Variants in PLEK2 observed in about 807,000 individuals in gnomAD.
PLEK2 encodes the protein pleckstrin-2.
PLEK2 carries 29 observed loss-of-function variants against 43.8 expected under a neutral mutation model. That is an observed-to-expected ratio of 0.66 (90% confidence interval 0.49 to 0.90). PLEK2 has a LOEUF of 0.90. Ranked by LOEUF, PLEK2 falls within the 40% of genes least tolerant of loss-of-function variation. The pLI, the probability that PLEK2 is intolerant of heterozygous loss-of-function variation, is 0.00. For missense variants in PLEK2, 398 were observed against 448.1 expected (o/e 0.89, Z 1.01); for synonymous variants, 162 against 173.2 (o/e 0.94, Z 0.51).
chr14:67,394,763 AG>A (rs1376925375), intron 3 of PLEK2, among the ~76,000 whole-genome samples: 3 of 152,214 alleles, frequency 2.0e-5, no homozygotes, highest in Non-Finnish European at 4.4e-5. Flanking sequence ...TGCCTTTAAG[AG>A]GTGATTGGGT....
chr14:67,410,137 A>G (rs1198859287), intron 1 of PLEK2, among the ~76,000 whole-genome samples: 3 of 152,088 alleles, frequency 2.0e-5, no homozygotes, highest in Non-Finnish European at 2.9e-5. Context: ...GCCACCCAGA[A>G]GAGAAGTCCC....
chr14:67,399,350 A>G (rs979827938), intron 1 of PLEK2, among the ~76,000 whole-genome samples: 54 of 145,098 alleles, frequency 3.7e-4, no homozygotes, highest in Admixed American at 1.7e-3. Context: ...AGAGAAGGGT[A>G]GTTTAGGTGG....
chr14:67,398,188 A>C (rs1285989108), intron 1 of PLEK2: 1 of 167,532 alleles, frequency 6.0e-6, no homozygotes, highest in Non-Finnish European at 1.3e-5. Flanking sequence ...TAAAAAAATT[A>C]AGATTATTTT....
intron 7 of PLEK2, among the ~76,000 whole-genome samples, chr14:67,389,907 A>G (rs969815808): frequency 1.3e-5 from 2 of 152,116 alleles, no homozygotes; most frequent in African/African-American, 4.8e-5. Flanking sequence ...AGAGAGGTCA[A>G]CTGGAGCTTT....
chr14:67,393,474 G>A (rs1555349087), intron 3 of PLEK2, among the ~76,000 whole-genome samples: 1 of 152,084 alleles, frequency 6.6e-6, no homozygotes, highest in Non-Finnish European at 1.5e-5. Flanking sequence ...TGTTTTTTGA[G>A]ACAGAGTCTC....
At position 67,412,007 on chromosome 14, in the gene PLEK2, C is replaced by G. The variant is rs1446881503; in HGVS notation, c.42+11G>C. The G allele has an allele frequency of 1.3e-6, 2 of 1,546,906 alleles. No individual in the cohort carries two copies. Among genetic ancestry groups the G allele is most frequent in the South Asian group, 2.4e-5 (2 of 83,524 alleles). ...ACCCGGGCAATGTCCCGAAGCTCGACGCGCACTCACCCTCTTGACCAGGAA... is the reference window on the plus strand; with the variant it reads ...ACCCGGGCAATGTCCCGAAGCTCGAGGCGCACTCACCCTCTTGACCAGGAA... On this transcript the variant is annotated intron_variant, in intron 1 of 8. Coordinates refer to ENST00000216446, the MANE Select transcript of PLEK2 (RefSeq NM_016445.3).
chr14:67,394,185 G>C (rs1458712056), intron 3 of PLEK2, among the ~76,000 whole-genome samples: 1 of 152,120 alleles, frequency 6.6e-6, no homozygotes, highest in Non-Finnish European at 1.5e-5. Context: ...TTCTATGCCA[G>C]ACACACACTG....
chr14:67,395,636 C>T, intron 2 of PLEK2, 53 bp from the exon 3 acceptor site: 1 of 1,549,936 alleles, frequency 6.5e-7, no homozygotes, highest in Non-Finnish European at 8.8e-7. Flanking sequence ...CAAGAGGACG[C>T]CGGGCAGCAA....
intron 1 of PLEK2, among the ~76,000 whole-genome samples, chr14:67,403,058 T>C (rs2086059181): frequency 6.6e-6 from 1 of 152,202 alleles, no homozygotes; most frequent in South Asian, 2.1e-4. Flanking sequence ...AGGGTTCCCT[T>C]TTCTCCATAT....
At chr14:67,407,958 T>A (rs1335588047) in intron 1 of PLEK2, among the ~76,000 whole-genome samples, 2 of 152,074 alleles carry the variant, frequency 1.3e-5, no homozygotes, top group Non-Finnish European at 2.9e-5. Context: ...TGCTCCAGCC[T>A]GGGTAACATA....
At chr14:67,391,911 G>C (rs1386743863) in intron 6 of PLEK2, among the ~76,000 whole-genome samples, 8 of 152,172 alleles carry the variant, frequency 5.3e-5, no homozygotes, top group Admixed American at 5.2e-4. Flanking sequence ...CTCAGAAAGT[G>C]TATCAAGGAG....
chr14:67,393,214 G>A lies in PLEK2; in HGVS notation c.417C>T (p.Ser139=), dbSNP rs1283584832. The A allele has an allele frequency of 6.2e-7, 1 of 1,613,856 alleles. No homozygotes were observed. The highest frequency in any genetic ancestry group is 1.7e-5 in the Admixed American group (1 of 60,024). Residue 139 remains serine, a synonymous_variant, in exon 4 of 9, where the codon AGC becomes AGT. Coordinates refer to ENST00000216446, the MANE Select transcript of PLEK2 (RefSeq NM_016445.3). The stretch of plus-strand genomic sequence containing the variant: ...TGGGGCTTGAACGGATTCCGGTGTT[G>A]CTATCGTGCATCTTGTCCACAATGC... The part of the protein sequence containing the change: ...LHRIVDKMHD[S]NTGIRSSPNM...
chr14:67,392,219 A>C (rs1272895897), intron 6 of PLEK2, 107 bp downstream of exon 6: 1 of 784,590 alleles, frequency 1.3e-6, no homozygotes, highest in East Asian at 2.4e-5. Flanking sequence ...TTTTGCTGTA[A>C]TTGGTGCCCT....
At position 67,395,403 on chromosome 14, in the gene PLEK2, G is replaced by T; in HGVS notation, c.388C>A (p.His130Asn). 6.2e-7 allele frequency: 1 copy of T among 1,613,434 alleles called. No homozygotes were observed. Among genetic ancestry groups the T allele is most frequent in the Non-Finnish European group, 8.5e-7 (1 of 1,179,564 alleles). Residue 130 changes from histidine to asparagine, a missense_variant and splice_region_variant, in exon 3 of 9, where the codon CAT becomes AAT. Transcript: ENST00000216446. ...SFKLPPHISL[H>N]RIVDKMHDSN... ...GAGCCCGGCAAGTGGGGCACTCACT[G>T]CAGGCTGATGTGCGGGGGCAGCTTG...
intron 1 of PLEK2, among the ~76,000 whole-genome samples, chr14:67,401,546 G>A (rs976895530): frequency 2.6e-5 from 4 of 151,828 alleles, no homozygotes; most frequent in African/African-American, 9.7e-5. Flanking sequence ...AAAAAGAAGA[G>A]GAGATTTGGA....
intron 1 of PLEK2, among the ~76,000 whole-genome samples, chr14:67,411,136 CAAAAAAAAAAAAA>C (rs925514488): frequency 1.9e-5 from 1 of 52,072 alleles, no homozygotes. Flanking sequence ...GACCCTGTCT[CAAAAAAAAAAAAA>C]AAAAAAAAAG....
intron 1 of PLEK2, among the ~76,000 whole-genome samples, chr14:67,407,935 TG>T (rs1566632137): frequency 1.3e-5 from 2 of 152,124 alleles, no homozygotes; most frequent in Non-Finnish European, 2.9e-5. Flanking sequence ...ATCACACCTG[TG>T]AACAGTCCCT....
chr14:67,402,104 A>C (rs528825338), intron 1 of PLEK2, among the ~76,000 whole-genome samples: 2 of 152,366 alleles, frequency 1.3e-5, no homozygotes, highest in South Asian at 4.1e-4. Context: ...ACTGCACTCC[A>C]GCCTGGGTGA....
rs774287919 is a variant in PLEK2 at position 67,387,462 on chromosome 14, C to T, written c.935-6G>A. ...CTGGACATTCCCTTTAACCCCTAGG[C>T]AGAAAAAAGGGGGAAAAAAATCAGT... is the stretch of plus-strand genomic sequence containing the variant. On this transcript the variant is annotated splice_region_variant and splice_polypyrimidine_tract_variant and intron_variant, in intron 8 of 8. Transcript: ENST00000216446. 5 of 1,595,544 alleles carry T rather than the reference C, an allele frequency of 3.1e-6. No homozygotes were observed. In the Admixed American group the frequency reaches 9.0e-5, roughly 29 times the overall value.
Sources: allele counts gnomAD v4.1 joint callset (sites outside exome capture counted in the v4.1 genomes callset), GRCh38; gene constraint gnomAD v4.1.1; transcripts MANE v1.5; gene names NCBI Gene and HGNC (gene_info 2026-07-23, HGNC 2026-07-21).